The following GRIK1 variants were observed in gnomAD, a reference collection of about 807,000 sequenced individuals.
The protein encoded by GRIK1 is glutamate receptor ionotropic, kainate 1.
GRIK1 carries 69 observed loss-of-function variants against 105.7 expected under a neutral mutation model. That is an observed-to-expected ratio of 0.65 (90% confidence interval 0.54 to 0.80). The LOEUF is 0.80. GRIK1 is among the 30% of genes least tolerant of loss of function. The probability of loss-of-function intolerance (pLI) is 0.00; values close to 1 mark genes in which losing one functional copy is unlikely to be tolerated. For missense variants in GRIK1, 1,109 were observed against 1,167.3 expected (o/e 0.95, Z 0.73); for synonymous variants, 438 against 431.3 (o/e 1.02, Z -0.19).
chr21:29,676,953 A>G (rs912354831), intron 3 of GRIK1, among the ~76,000 whole-genome samples: 2 of 152,206 alleles, frequency 1.3e-5, no homozygotes, highest in African/African-American at 2.4e-5. Context: ...ATATGTTTAG[A>G]TAACATTATT....
chr21:29,654,956 G>C lies in GRIK1; in HGVS notation c.727-93C>G, dbSNP rs913270548. 5 of 827,662 alleles carry C rather than the reference G, an allele frequency of 6.0e-6. No individual in the cohort carries two copies. The African/African-American group carries it at 8.3e-5, about 14-fold the overall frequency. The allele number at this position is 827,662 out of a possible 1,614,324, so 51.3% of individuals were successfully genotyped here. On this transcript the variant is annotated intron_variant, in intron 4 of 17. Transcript: ENST00000327783. ...GTGACTGCAAATGCTTGGAAACATAGAACAGGAAGGGACTTTGGAAATCCA... is the reference window on the plus strand; with the variant it reads ...GTGACTGCAAATGCTTGGAAACATACAACAGGAAGGGACTTTGGAAATCCA...
chr21:29,911,092 T>A (rs1569211624), intron 1 of GRIK1, among the ~76,000 whole-genome samples: 1 of 152,126 alleles, frequency 6.6e-6, no homozygotes, highest in Non-Finnish European at 1.5e-5. Context: ...TGACATATAC[T>A]AACTCAGTGA....
At chr21:29,749,577 C>A (rs1379044985) in intron 1 of GRIK1, among the ~76,000 whole-genome samples, 1 of 152,216 alleles carries the variant, frequency 6.6e-6, no homozygotes, top group African/African-American at 2.4e-5. Flanking sequence ...GCTGCCTCCT[C>A]TTCTGTACCA....
chr21:29,921,471 TA>T (rs1056499921), intron 1 of GRIK1, among the ~76,000 whole-genome samples: 16 of 152,172 alleles, frequency 1.1e-4, no homozygotes, highest in African/African-American at 3.9e-4. Context: ...CATTCTGTAG[TA>T]AAAGTTGAGT....
intron 4 of GRIK1, among the ~76,000 whole-genome samples, chr21:29,664,173 T>G (rs2063017941): frequency 6.6e-6 from 1 of 152,160 alleles, no homozygotes; most frequent in East Asian, 1.9e-4. Context: ...CATGGAAATG[T>G]AATTACATTA....
At chr21:29,938,909 C>T (rs2071869719) in intron 1 of GRIK1, among the ~76,000 whole-genome samples, 1 of 152,162 alleles carries the variant, frequency 6.6e-6, no homozygotes, top group African/African-American at 2.4e-5. Flanking sequence ...GATATTCCCA[C>T]ATCCCTAGTG....
intron 3 of GRIK1, among the ~76,000 whole-genome samples, chr21:29,675,579 ATT>A (rs968262703): frequency 7.2e-5 from 11 of 152,084 alleles, no homozygotes; most frequent in Non-Finnish European, 1.6e-4. Context: ...TCTTTCATTT[ATT>A]TTTATGGGAA....
At position 29,537,889 on chromosome 21, in the gene GRIK1, T is replaced by TAAAAAAA; in HGVS notation, c.2608-12_2608-6dup. 2.9e-6 allele frequency: 3 copies of TAAAAAAA among 1,029,844 alleles called. No individual in the cohort carries two copies. The highest frequency in any genetic ancestry group is 1.7e-5 in the African/African-American group (1 of 57,300). The allele number at this position is 1,029,844 out of a possible 1,614,324, so 63.8% of individuals were successfully genotyped here. On this transcript the variant is annotated splice_polypyrimidine_tract_variant and splice_region_variant and intron_variant, in intron 16 of 17. Transcript: ENST00000327783. Reference sequence around the variant, plus strand: ...AATTCTTGATGACTTTCCTTTCTGATAAAAAAAAAAGAAAAAAAAACAATT... The same window carrying TAAAAAAA: ...AATTCTTGATGACTTTCCTTTCTGATAAAAAAAAAAAAAAAAAGAAAAAAAAACAATT...
intron 1 of GRIK1, among the ~76,000 whole-genome samples, chr21:29,824,373 TAGAC>T (rs1216584191): frequency 9.2e-5 from 14 of 151,876 alleles, no homozygotes; most frequent in African/African-American, 3.4e-4. Flanking sequence ...AGTATACAAA[TAGAC>T]AAGCAACCTC....
intron 4 of GRIK1, among the ~76,000 whole-genome samples, chr21:29,671,962 A>G (rs1214041135): frequency 6.6e-6 from 1 of 151,982 alleles, no homozygotes; most frequent in Non-Finnish European, 1.5e-5. Flanking sequence ...TGACCCCCCA[A>G]AATGTCTTCA....
intron 1 of GRIK1, among the ~76,000 whole-genome samples, chr21:29,759,294 T>C (rs947558951): frequency 2.0e-5 from 3 of 151,964 alleles, no homozygotes; most frequent in South Asian, 2.1e-4. Context: ...ATTTTTTGTA[T>C]TTTTAGTAGA....
At chr21:29,764,218 A>G (rs1021417844) in intron 1 of GRIK1, among the ~76,000 whole-genome samples, 5 of 152,164 alleles carry the variant, frequency 3.3e-5, no homozygotes, top group African/African-American at 4.8e-5. Flanking sequence ...AGTTGGTAGG[A>G]TGGGGACAGA....
At chr21:29,741,339 A>T (rs75660022) in intron 1 of GRIK1, among the ~76,000 whole-genome samples, 8,933 of 152,038 alleles carry the variant, frequency 0.059, 296 homozygotes, top group African/African-American at 0.066. Context: ...TGTTTTTTTT[A>T]AATTAGAACA....
chr21:29,745,528 C>T (rs932132934), intron 1 of GRIK1, among the ~76,000 whole-genome samples: 1 of 152,220 alleles, frequency 6.6e-6, no homozygotes, highest in Non-Finnish European at 1.5e-5. Context: ...AACTAATACA[C>T]TTGACTTAGA....
At chr21:29,720,524 G>C (rs1017339448) in intron 1 of GRIK1, among the ~76,000 whole-genome samples, 7 of 151,996 alleles carry the variant, frequency 4.6e-5, no homozygotes, top group African/African-American at 1.7e-4. Context: ...TGCTGCGTGT[G>C]TGTATATGTG....
chr21:29,937,172 T>A (rs1331309944), intron 1 of GRIK1, among the ~76,000 whole-genome samples: 2 of 152,190 alleles, frequency 1.3e-5, no homozygotes, highest in African/African-American at 2.4e-5. Flanking sequence ...TGCACTTGAC[T>A]GACACAAGAA....
Position 29,858,708 on chromosome 21 carries a change from A to T in GRIK1, c.118+80675T>A, listed in dbSNP as rs573358382. Reference sequence around the variant, plus strand: ...CTCATGATACCACTCCTGCCAAGCCATGCCTGTAGCTCTGCTCAGTGACAG... The same window carrying T: ...CTCATGATACCACTCCTGCCAAGCCTTGCCTGTAGCTCTGCTCAGTGACAG... On this transcript the variant is annotated intron_variant, in intron 1 of 17. Coordinates refer to ENST00000327783, the MANE Select transcript of GRIK1 (RefSeq NM_001330994.2). 2.8e-4 allele frequency among the ~76,000 whole-genome samples: 42 copies of T among 152,200 alleles called. No homozygotes were observed. In the East Asian group the frequency reaches 5.0e-3, roughly 18 times the overall value.
chr21:29,632,759 T>C (rs528568584), intron 7 of GRIK1, among the ~76,000 whole-genome samples: 2 of 152,234 alleles, frequency 1.3e-5, no homozygotes, highest in Non-Finnish European at 2.9e-5. Context: ...CATGAGTCCC[T>C]GATGCTATTT....
At chr21:29,860,080 A>T (rs1176195408) in intron 1 of GRIK1, among the ~76,000 whole-genome samples, 2 of 152,208 alleles carry the variant, frequency 1.3e-5, no homozygotes, top group Non-Finnish European at 2.9e-5. Flanking sequence ...ATAAAGACAC[A>T]TCATGGAGGA....
Sources: gnomAD v4.1 joint callset for allele counts (sites outside exome capture counted in the v4.1 genomes callset) on GRCh38, gnomAD v4.1.1 for gene constraint, MANE v1.5 for transcripts, NCBI Gene and HGNC (gene_info 2026-07-23, HGNC 2026-07-21) for gene names.